The following DPP6 variants were observed in gnomAD, a reference collection of about 807,000 sequenced individuals.
The protein encoded by DPP6 is A-type potassium channel modulatory protein DPP6.
Under a neutral mutation model 122.6 loss-of-function variants are expected in DPP6, and 69 were observed. The observed-to-expected ratio is 0.56, with a 90% CI of 0.46 to 0.69. The LOEUF is 0.69. Among genes scored for constraint, DPP6 ranks in the 30% least tolerant of loss-of-function variants. The pLI, the probability that DPP6 is intolerant of heterozygous loss-of-function variation, is 0.00. For synonymous variants in DPP6, 418 were observed against 433.1 expected (o/e 0.97, Z 0.43); for missense variants, 928 against 1,116.9 (o/e 0.83, Z 2.41).
intron 17 of DPP6, among the ~76,000 whole-genome samples, chr7:154,860,892 A>G (rs4960625): frequency 0.14 from 21,993 of 152,208 alleles, 1,982 homozygotes; most frequent in East Asian, 0.44. Flanking sequence ...GCAAATGCAC[A>G]AACCCATTTC....
At chr7:154,596,645 C>T (rs559793428) in intron 5 of DPP6, among the ~76,000 whole-genome samples, 1 of 152,094 alleles carries the variant, frequency 6.6e-6, no homozygotes, top group East Asian at 1.9e-4. Context: ...AGGGAGGACT[C>T]GGGTATCTGG....
intron 1 of DPP6, among the ~76,000 whole-genome samples, chr7:154,070,347 C>T (rs973556076): frequency 1.3e-5 from 2 of 151,682 alleles, no homozygotes; most frequent in Non-Finnish European, 2.9e-5. Flanking sequence ...CCTTAAGCCT[C>T]GGTTTGATTT....
chr7:154,508,123 AG>A (rs1381472582), intron 3 of DPP6, among the ~76,000 whole-genome samples: 2 of 152,256 alleles, frequency 1.3e-5, no homozygotes, highest in Non-Finnish European at 2.9e-5. Context: ...TTCCCTATCC[AG>A]GGCTTGGCTC....
At position 154,537,820 on chromosome 7, in the gene DPP6, A is replaced by G. The variant is rs138218359; in HGVS notation, c.458-2712A>G. Among the ~76,000 whole-genome samples the G allele has an allele frequency of 1.8e-3, 271 of 152,172 alleles. 1 individual carries two copies. Among genetic ancestry groups the G allele is most frequent in the African/African-American group, 6.4e-3 (264 of 41,518 alleles). On this transcript the variant is annotated intron_variant, in intron 3 of 25. Coordinates refer to ENST00000377770, the MANE Select transcript of DPP6 (RefSeq NM_130797.4). ...AGGAGAGGAAGCAAAAGTCTTGTAC[A>G]TTTTTACCAAAAGATGTAAAGAAGA...
At position 154,462,532 on chromosome 7, in the gene DPP6, T is replaced by G. The variant is rs1386804563; in HGVS notation, c.359-12407T>G. Among the ~76,000 whole-genome samples, 3 of 152,192 alleles carry G rather than the reference T, an allele frequency of 2.0e-5. No homozygotes were observed. In the East Asian group the frequency reaches 5.8e-4, roughly 29 times the overall value. ...TTTATTTTTTATGTCTGCTTCCATT[T>G]CTTTCATCAATCTTTTATAGTTTTC... On this transcript the variant is annotated intron_variant, in intron 2 of 25. Coordinates refer to ENST00000377770, the MANE Select transcript of DPP6 (RefSeq NM_130797.4).
At chr7:154,447,288 A>G (rs1819964502) in intron 2 of DPP6, among the ~76,000 whole-genome samples, 1 of 152,200 alleles carries the variant, frequency 6.6e-6, no homozygotes, top group African/African-American at 2.4e-5. Context: ...CCTGGGCAAC[A>G]GAGCAAGACT....
chr7:153,868,288 T>C, the DPP6 span, among the ~76,000 whole-genome samples: 3 of 152,162 alleles, frequency 2.0e-5, no homozygotes, highest in Non-Finnish European at 4.4e-5. Context: ...TCATGGACTT[T>C]TTTTGGTTGG....
the DPP6 span, among the ~76,000 whole-genome samples, chr7:153,777,722 C>T: frequency 8.5e-6 from 1 of 117,898 alleles, no homozygotes; most frequent in African/African-American, 4.3e-5. Context: ...TAGTAGCTGC[C>T]AGAGGTTAGA....
intron 3 of DPP6, among the ~76,000 whole-genome samples, chr7:154,522,841 G>C (rs909255655): frequency 1.3e-5 from 2 of 152,206 alleles, no homozygotes; most frequent in East Asian, 3.9e-4. Context: ...TTATGGGAAC[G>C]TGCACCTCTG....
intron 1 of DPP6, among the ~76,000 whole-genome samples, chr7:154,268,302 T>G (rs1427306170): frequency 6.6e-6 from 1 of 152,176 alleles, no homozygotes; most frequent in African/African-American, 2.4e-5. Flanking sequence ...TACCGTAAAC[T>G]GGGTGGCTTA....
At chr7:154,767,502 G>C (rs1323805712) in intron 8 of DPP6, among the ~76,000 whole-genome samples, 2 of 152,068 alleles carry the variant, frequency 1.3e-5, no homozygotes, top group Non-Finnish European at 2.9e-5. Context: ...CCACCTCCTG[G>C]CTGCCAAAGC....
At chr7:154,847,547 T>G (rs1802042154) in intron 16 of DPP6, among the ~76,000 whole-genome samples, 1 of 152,230 alleles carries the variant, frequency 6.6e-6, no homozygotes, top group Non-Finnish European at 1.5e-5. Flanking sequence ...TATTCATCAT[T>G]AATAATTGCA....
At chr7:153,793,860 A>G in the DPP6 span, among the ~76,000 whole-genome samples, 3 of 151,248 alleles carry the variant, frequency 2.0e-5, no homozygotes, top group Non-Finnish European at 3.0e-5. Context: ...AAAGGGGCCA[A>G]TGTAGAACTC....
At chr7:153,889,508 G>A (rs1196972446) in intron 1 of DPP6, among the ~76,000 whole-genome samples, 1 of 152,068 alleles carries the variant, frequency 6.6e-6, no homozygotes, top group East Asian at 1.9e-4. Flanking sequence ...TCAATCTACC[G>A]CCAAATAAGT....
At chr7:153,850,012 A>G in the DPP6 span, among the ~76,000 whole-genome samples, 1 of 152,132 alleles carries the variant, frequency 6.6e-6, no homozygotes, top group Non-Finnish European at 1.5e-5. Flanking sequence ...TTGTTCCATT[A>G]TTTTGTGCCT....
chr7:154,785,567 T>G (rs958807318), intron 10 of DPP6, among the ~76,000 whole-genome samples: 88 of 152,216 alleles, frequency 5.8e-4, no homozygotes, highest in African/African-American at 2.0e-3. Flanking sequence ...ACTTCCCAAT[T>G]TGTAAACTGA....
At chr7:154,462,416 A>T (rs532673961) in intron 2 of DPP6, among the ~76,000 whole-genome samples, 1 of 152,172 alleles carries the variant, frequency 6.6e-6, no homozygotes, top group Non-Finnish European at 1.5e-5. Flanking sequence ...CAGTATTTTG[A>T]TAGAGATTTC....
At chr7:154,857,896 G>A (rs576542491) in intron 17 of DPP6, among the ~76,000 whole-genome samples, 45 of 152,318 alleles carry the variant, frequency 3.0e-4, no homozygotes, top group African/African-American at 9.1e-4. Flanking sequence ...TGAAAAGGCC[G>A]CTGAAGACTT....
chr7:154,034,836 A>G (rs1198586779), intron 1 of DPP6, among the ~76,000 whole-genome samples: 4 of 150,226 alleles, frequency 2.7e-5, no homozygotes, highest in Admixed American at 2.0e-4. Context: ...CTTTTGTTTC[A>G]TAAAGGATCA....
Sources: gnomAD v4.1 joint callset for allele counts (sites outside exome capture counted in the v4.1 genomes callset) on GRCh38, gnomAD v4.1.1 for gene constraint, MANE v1.5 for transcripts, NCBI Gene and HGNC (gene_info 2026-07-23, HGNC 2026-07-21) for gene names.